The following PIGL variants were observed in gnomAD, a reference collection of about 807,000 sequenced individuals.
The protein encoded by PIGL is N-acetylglucosaminyl-phosphatidylinositol de-N-acetylase.
PIGL carries 22 observed loss-of-function variants against 31.1 expected under a neutral mutation model. That is an observed-to-expected ratio of 0.71 (90% confidence interval 0.51 to 1.01). The LOEUF (loss-of-function observed/expected upper bound fraction) is 1.01. Ranked by LOEUF, PIGL falls within the 50% of genes least tolerant of loss-of-function variation. PIGL has a pLI of 0.00. For missense variants in PIGL, 302 were observed against 315.9 expected (o/e 0.96, Z 0.33); for synonymous variants, 131 against 117.4 (o/e 1.12, Z -0.75).
intron 2 of PIGL, among the ~76,000 whole-genome samples, chr17:16,238,711 C>G (rs2092709938): frequency 6.7e-6 from 1 of 149,464 alleles, no homozygotes; most frequent in Non-Finnish European, 1.5e-5. Context: ...GAGTTCGAGA[C>G]CATCCTGACC....
chr17:16,258,057 T>G (rs1600788160), intron 2 of PIGL, among the ~76,000 whole-genome samples: 1 of 97,424 alleles, frequency 1.0e-5, no homozygotes, highest in Admixed American at 1.4e-4. Context: ...GAGCAAAACT[T>G]TGTCAGAAAG....
chr17:16,325,778 T>A, intron 6 of PIGL, 22 bp from the exon 7 acceptor site: 1 of 1,585,668 alleles, frequency 6.3e-7, no homozygotes, highest in Non-Finnish European at 8.7e-7. Context: ...GTTTCATAAC[T>A]GGTTCTCTTT....
At chr17:16,248,379 A>G (rs998493715) in intron 2 of PIGL, among the ~76,000 whole-genome samples, 1 of 152,210 alleles carries the variant, frequency 6.6e-6, no homozygotes, top group African/African-American at 2.4e-5. Flanking sequence ...ATCTAATTTC[A>G]TCCTTCAGAA....
intron 2 of PIGL, among the ~76,000 whole-genome samples, chr17:16,258,618 C>T (rs148320687): frequency 0.031 from 4,744 of 152,144 alleles, 248 homozygotes; most frequent in African/African-American, 0.11. Flanking sequence ...ATTCTCCTGC[C>T]TCAGCCTCCG....
At chr17:16,281,713 T>G (rs1450657920) in intron 2 of PIGL, among the ~76,000 whole-genome samples, 1 of 152,260 alleles carries the variant, frequency 6.6e-6, no homozygotes, top group African/African-American at 2.4e-5. Context: ...ATATTAATTT[T>G]AGAAGGAATT....
At chr17:16,270,753 C>T (rs553286959) in intron 2 of PIGL, among the ~76,000 whole-genome samples, 28 of 151,792 alleles carry the variant, frequency 1.8e-4, no homozygotes, top group South Asian at 4.2e-4. Context: ...AAAAATTAGC[C>T]GGGTGTGGTG....
At chr17:16,248,923 C>T (rs998305041) in intron 2 of PIGL, among the ~76,000 whole-genome samples, 2 of 152,164 alleles carry the variant, frequency 1.3e-5, no homozygotes, top group African/African-American at 4.8e-5. Flanking sequence ...TAAGGGTCCT[C>T]AGCCTGACTT....
chr17:16,270,304 T>G (rs1016435315), intron 2 of PIGL, among the ~76,000 whole-genome samples: 2 of 126,088 alleles, frequency 1.6e-5, no homozygotes, highest in Non-Finnish European at 3.5e-5. Context: ...AAAAAAAAAA[T>G]TCTAATCAGA....
intron 2 of PIGL, among the ~76,000 whole-genome samples, chr17:16,273,202 A>G (rs923434312): frequency 1.3e-5 from 2 of 152,200 alleles, no homozygotes; most frequent in African/African-American, 2.4e-5. Flanking sequence ...CAAAGGTACC[A>G]TGGACTCAGA....
chr17:16,312,575 G>A (rs921280150), intron 3 of PIGL: 1 of 164,412 alleles, frequency 6.1e-6, no homozygotes, highest in Non-Finnish European at 1.3e-5. Context: ...CAGGCGGCTG[G>A]GAGGTGGAGG....
chr17:16,230,203 T>C (rs776469686), intron 1 of PIGL, among the ~76,000 whole-genome samples: 2 of 152,076 alleles, frequency 1.3e-5, no homozygotes, highest in Non-Finnish European at 2.9e-5. Context: ...CACATCCTAA[T>C]AGAAGAGGAT....
chr17:16,240,671 T>G (rs2092718972), intron 2 of PIGL, among the ~76,000 whole-genome samples: 1 of 151,770 alleles, frequency 6.6e-6, no homozygotes, highest in Non-Finnish European at 1.5e-5. Flanking sequence ...AGCTACCTTT[T>G]TTTTTTTTCG....
At chr17:16,248,751 T>G (rs1263052663) in intron 2 of PIGL, among the ~76,000 whole-genome samples, 1 of 152,244 alleles carries the variant, frequency 6.6e-6, no homozygotes, top group Non-Finnish European at 1.5e-5. Context: ...CTTGCACATT[T>G]TTATGTATCT....
chr17:16,288,173 C>G (rs1022611944), intron 2 of PIGL, among the ~76,000 whole-genome samples: 6 of 151,998 alleles, frequency 3.9e-5, no homozygotes, highest in African/African-American at 1.4e-4. Flanking sequence ...TCTAAATTAC[C>G]TGTTTTCTTT....
intron 2 of PIGL, 118 bp from the exon 3 acceptor site, chr17:16,299,770 G>A: frequency 2.7e-6 from 2 of 737,710 alleles, no homozygotes; most frequent in South Asian, 3.1e-5. Context: ...GAAGCTTAAG[G>A]GCAGGGACCC....
chr17:16,240,811 T>G (rs1475531961), intron 2 of PIGL, among the ~76,000 whole-genome samples: 1 of 151,566 alleles, frequency 6.6e-6, no homozygotes, highest in African/African-American at 2.4e-5. Context: ...CCAGTATTAT[T>G]TAAGAGGTAG....
At chr17:16,299,029 G>A (rs577232425) in intron 2 of PIGL, among the ~76,000 whole-genome samples, 6 of 149,734 alleles carry the variant, frequency 4.0e-5, no homozygotes, top group Admixed American at 4.0e-4. Flanking sequence ...TCTGACTCGG[G>A]AAAAATACAT....
chr17:16,295,031 C>T (rs1309317663), intron 2 of PIGL, among the ~76,000 whole-genome samples: 1 of 152,202 alleles, frequency 6.6e-6, no homozygotes, highest in African/African-American at 2.4e-5. Context: ...TTCTGAAATA[C>T]CTGGTGGTCT....
intron 2 of PIGL, among the ~76,000 whole-genome samples, chr17:16,274,452 G>A (rs2092885215): frequency 1.3e-5 from 2 of 152,190 alleles, no homozygotes; most frequent in African/African-American, 4.8e-5. Context: ...GCCGGGTGCG[G>A]TGACTCACAC....
Sources: gnomAD v4.1 joint callset for allele counts (sites outside exome capture counted in the v4.1 genomes callset) on GRCh38, gnomAD v4.1.1 for gene constraint, MANE v1.5 for transcripts, NCBI Gene and HGNC (gene_info 2026-07-23, HGNC 2026-07-21) for gene names.